The following GTF3C1 variants were observed in gnomAD, a reference collection of about 807,000 sequenced individuals.
GTF3C1 encodes general transcription factor 3C polypeptide 1.
A neutral mutation model predicts 226.7 loss-of-function variants in GTF3C1; 57 were observed. The ratio of observed to expected loss-of-function variants is 0.25; its 90% CI spans 0.20 to 0.31. GTF3C1 has a LOEUF of 0.31. Ranked by LOEUF, GTF3C1 falls within the 10% of genes least tolerant of loss-of-function variation. The pLI, the probability that GTF3C1 is intolerant of heterozygous loss-of-function variation, is 1.00. For missense variants in GTF3C1, 2,217 were observed against 2,776.1 expected (o/e 0.80, Z 4.53); for synonymous variants, 1,090 against 1,084.8 (o/e 1.00, Z -0.09).
In GTF3C1 at chr16:27,470,307, G is replaced by A; in HGVS notation, c.4615C>T (p.Pro1539Ser). The A allele has an allele frequency of 6.2e-7, 1 of 1,613,618 alleles. No homozygotes were observed. Among genetic ancestry groups the A allele is most frequent in the Non-Finnish European group, 8.5e-7 (1 of 1,179,520 alleles). The change falls in exon 31 of 37, where the codon CCT becomes TCT. Residue 1539 changes from proline to serine, a missense_variant. Coordinates refer to ENST00000356183, the MANE Select transcript of GTF3C1 (RefSeq NM_001520.4). The surrounding 1 kb of genome is among the most constrained non-coding windows in gnomAD (Gnocchi z 4.9). Reference sequence around the variant, plus strand: ...TGGTCTTTGAAAGAGAAACGATCAGGCTGGTCCAACTTGCCGGCAGCCCGC... The same window carrying A: ...TGGTCTTTGAAAGAGAAACGATCAGACTGGTCCAACTTGCCGGCAGCCCGC... ...RMRAAGKLDQ[P>S]DRFSFKDQDN... is the part of the protein sequence containing the mutation.
chr16:27,539,596 G>A (rs138446017), intron 2 of GTF3C1, among the ~76,000 whole-genome samples: 279 of 152,252 alleles, frequency 1.8e-3, no homozygotes, highest in Admixed American at 3.9e-3. Context: ...TCCCTCACTC[G>A]TTCCTTGGCA....
At chr16:27,505,781 G>A (rs372521779) in intron 10 of GTF3C1, 118 bp downstream of exon 10, 24 of 679,402 alleles carry the variant, frequency 3.5e-5, no homozygotes, top group East Asian at 1.5e-4. Context: ...GGCAGGCCTC[G>A]GCACGCAGCA....
At chr16:27,529,012 A>G (rs192151896) in intron 5 of GTF3C1, among the ~76,000 whole-genome samples, 1 of 152,320 alleles carries the variant, frequency 6.6e-6, no homozygotes, top group East Asian at 1.9e-4. Context: ...TGGAGACTGA[A>G]GACTTCATCT....
intron 1 of GTF3C1, among the ~76,000 whole-genome samples, chr16:27,547,042 C>A (rs2089175836): frequency 6.6e-6 from 1 of 152,148 alleles, no homozygotes; most frequent in Admixed American, 6.5e-5. Context: ...ACACCCAGCC[C>A]AACCCTCCGT....
chr16:27,541,803 A>C (rs1372409344), intron 2 of GTF3C1, among the ~76,000 whole-genome samples: 1 of 152,178 alleles, frequency 6.6e-6, no homozygotes, highest in African/African-American at 2.4e-5. Flanking sequence ...AGGCACAATC[A>C]CATATAGCCT....
chr16:27,507,236 T>C lies in GTF3C1; in HGVS notation c.1243-80A>G, dbSNP rs2088500177. ...GGGTTCAGGTGGTCTGTGGCATCTA[T>C]TTCCTTATTGGCTTTCTTCTGTTTC... On this transcript the variant is annotated intron_variant, in intron 8 of 36. Coordinates refer to ENST00000356183, the MANE Select transcript of GTF3C1 (RefSeq NM_001520.4). This position sits in a 1 kb window ranked among gnomAD's most constrained non-coding sequence, Gnocchi z 4.9. 9.2e-7 allele frequency: 1 copy of C among 1,087,906 alleles called. No individual in the cohort carries two copies. The highest frequency in any genetic ancestry group is 1.5e-5 in the South Asian group (1 of 66,726). The allele number at this position is 1,087,906 out of a possible 1,614,324, so 67.4% of individuals were successfully genotyped here. A position where few individuals can be genotyped will look rare whatever the true frequency, so the allele number is the denominator to read the frequency against.
At chr16:27,487,031 T>C (rs1406942423) in intron 23 of GTF3C1, among the ~76,000 whole-genome samples, 1 of 152,154 alleles carries the variant, frequency 6.6e-6, no homozygotes, top group Non-Finnish European at 1.5e-5. Flanking sequence ...TGATAGCACC[T>C]TCACAGGACA....
rs976280793 is a variant in GTF3C1 at position 27,547,604 on chromosome 16, T to G, written c.221+2066A>C. 5.9e-5 allele frequency among the ~76,000 whole-genome samples: 9 copies of G among 152,234 alleles called. No individual in the cohort carries two copies. The South Asian group carries it at 1.9e-3, about 32-fold the overall frequency. On this transcript the variant is annotated intron_variant, in intron 1 of 36. Transcript: ENST00000356183. Reference sequence around the variant, plus strand: ...ACTAGATTACTAAAAATCTCTCAACTTCACTCTTTGCCCCTAGTCTGACCC... The same window carrying G: ...ACTAGATTACTAAAAATCTCTCAACGTCACTCTTTGCCCCTAGTCTGACCC...
At chr16:27,494,063 G>A (rs966920490) in intron 16 of GTF3C1, among the ~76,000 whole-genome samples, 1 of 151,962 alleles carries the variant, frequency 6.6e-6, no homozygotes, top group African/African-American at 2.4e-5. Context: ...ATACAGTTAT[G>A]GGTAATTTCT....
At chr16:27,473,896 C>G (rs773932182) in intron 29 of GTF3C1, among the ~76,000 whole-genome samples, 2 of 152,240 alleles carry the variant, frequency 1.3e-5, no homozygotes, top group Non-Finnish European at 1.5e-5. Context: ...GAAGCTGCAT[C>G]TCACTCCTTG....
intron 28 of GTF3C1, among the ~76,000 whole-genome samples, chr16:27,477,266 G>A (rs1328725518): frequency 6.6e-6 from 1 of 151,880 alleles, no homozygotes; most frequent in Non-Finnish European, 1.5e-5. Flanking sequence ...AGACCTTTAA[G>A]ATGATCTACT....
chr16:27,471,014 G>C lies in GTF3C1; in HGVS notation c.4527-619C>G, dbSNP rs1181535135. Among the ~76,000 whole-genome samples, 9 of 152,252 alleles carry C rather than the reference G, an allele frequency of 5.9e-5. No individual in the cohort carries two copies. Among genetic ancestry groups the C allele is most frequent in the Admixed American group, 5.9e-4 (9 of 15,288 alleles). On this transcript the variant is annotated intron_variant, in intron 30 of 36. Transcript: ENST00000356183. The surrounding 1 kb of genome is among the most constrained non-coding windows in gnomAD (Gnocchi z 5.0). ...CTTCTGCTGCCACACCTACTTCCCAGAGGCCTGAGGGTCATTCGGGGTCAG... is the reference window on the plus strand; with the variant it reads ...CTTCTGCTGCCACACCTACTTCCCACAGGCCTGAGGGTCATTCGGGGTCAG...
chr16:27,489,941 G>C (rs1011334210), intron 19 of GTF3C1, among the ~76,000 whole-genome samples, 198 bp from the exon 20 acceptor site: 10 of 152,264 alleles, frequency 6.6e-5, no homozygotes. Context: ...CAGAGGAAGA[G>C]AGTTGGAGTG....
At position 27,461,495 on chromosome 16, in the gene GTF3C1, G is replaced by C. The variant is rs1319208599; in HGVS notation, c.6185C>G (p.Ser2062Cys). Residue 2062 changes from serine (S) to cysteine (C), a missense_variant, in exon 37 of 37, where the codon TCT becomes TGT. Physicochemically the swap from Ser to Cys is moderately radical, Grantham distance 112. Around this residue, in one of 12 missense-constraint regions of GTF3C1, gnomAD observed 153 missense variants for 199.8 expected, o/e 0.77. Coordinates refer to ENST00000356183, the MANE Select transcript of GTF3C1 (RefSeq NM_001520.4). The surrounding 1 kb of genome is among the most constrained non-coding windows in gnomAD (Gnocchi z 5.3). The part of the protein sequence containing the change: ...LRKPRPVSLF[S>C]TPVVEEVEVP... ...TTCCACCTCTTCCACCACGGGTGTA[G>C]AGAAGAGCGAGACAGGCCTTGGCTT... 6.2e-7 allele frequency: 1 copy of C among 1,613,972 alleles called. No individual in the cohort carries two copies. Among genetic ancestry groups the C allele is most frequent in the Non-Finnish European group, 8.5e-7 (1 of 1,179,926 alleles).
In GTF3C1 at chr16:27,495,506, G is replaced by A. The variant is rs1041959773; in HGVS notation, c.2351-14C>T. 2.0e-5 allele frequency: 32 copies of A among 1,607,572 alleles called. No homozygotes were observed. Among genetic ancestry groups the A allele is most frequent in the Non-Finnish European group, 2.7e-5 (32 of 1,176,298 alleles). ...CCAGTCCGGGAACTAAAGCAAGAGA[G>A]GGAGAGGGCGGTGCTTGAAAAATCC... On this transcript the variant is annotated splice_polypyrimidine_tract_variant and intron_variant, in intron 14 of 36. Coordinates refer to ENST00000356183, the MANE Select transcript of GTF3C1 (RefSeq NM_001520.4).
chr16:27,536,497 T>C (rs2089003421), intron 4 of GTF3C1, among the ~76,000 whole-genome samples: 1 of 152,144 alleles, frequency 6.6e-6, no homozygotes, highest in Non-Finnish European at 1.5e-5. Flanking sequence ...CTCGGGAGGC[T>C]GAGGCAGAAG....
At position 27,497,699 on chromosome 16, in the gene GTF3C1, C is replaced by T. The variant is rs762331071; in HGVS notation, c.2288G>A (p.Arg763Gln). Residue 763 changes from arginine to glutamine, a missense_variant, in exon 14 of 37, where the codon CGG (arginine) becomes CAG (glutamine). Arg to Gln is a conservative substitution (Grantham distance 43, BLOSUM62 1). Transcript: ENST00000356183. ...LSASSRSESG[R>Q]MKKSDNKMGI... ...CATTTTATTATCACTTTTTTTCATCCGTCCACTTTCTGATCTAGAGGAAGC... is the reference window on the plus strand; with the variant it reads ...CATTTTATTATCACTTTTTTTCATCTGTCCACTTTCTGATCTAGAGGAAGC... 3.6e-5 allele frequency: 58 copies of T among 1,613,724 alleles called. No individual in the cohort carries two copies. Among genetic ancestry groups the T allele is most frequent in the Non-Finnish European group, 4.4e-5 (52 of 1,179,788 alleles).
In GTF3C1 at chr16:27,471,506, G is replaced by A. The variant is rs1431209163; in HGVS notation, c.4526+242C>T. ...TTCACTCCATCTGACGAGAGAAACG[G>A]AAACAAACCACCTGCAAAATGGTAA... On this transcript the variant is annotated intron_variant, in intron 30 of 36. Transcript: ENST00000356183. This position sits in a 1 kb window ranked among gnomAD's most constrained non-coding sequence, Gnocchi z 5.0. The A allele has an allele frequency of 2.0e-6, 1 of 498,498 alleles. No homozygotes were observed. The highest frequency in any genetic ancestry group is 3.6e-6 in the Non-Finnish European group (1 of 278,192). The allele number at this position is 498,498 out of a possible 1,614,324, so 30.9% of individuals were successfully genotyped here. A position where few individuals can be genotyped will look rare whatever the true frequency, so the allele number is the denominator to read the frequency against.
chr16:27,464,591 G>A lies in GTF3C1; in HGVS notation c.5601C>T (p.Ala1867=). 2.7e-6 allele frequency: 4 copies of A among 1,491,934 alleles called. 1 individual carries two copies. The South Asian group carries it at 4.2e-5, about 15-fold the overall frequency. The allele number at this position is 1,491,934 out of a possible 1,614,324, so 92.4% of individuals were successfully genotyped here. The change falls in exon 34 of 37, where the codon GCC becomes GCT. Residue 1867 remains alanine, a synonymous_variant. Transcript: ENST00000356183. Reference sequence around the variant, plus strand: ...CGGCGTCGGTCTCCCCATTCTCACTGGCCCAGCTGGCGCGCCTCTTGGTGC... The same window carrying A: ...CGGCGTCGGTCTCCCCATTCTCACTAGCCCAGCTGGCGCGCCTCTTGGTGC... The part of the protein sequence containing the change: ...PRGTKRRASW[A]SENGETDAEG...
Sources: gnomAD v4.1 joint callset for allele counts (sites outside exome capture counted in the v4.1 genomes callset) on GRCh38, gnomAD v4.1.1 for gene constraint, gnomAD v4.1.1 regional missense constraint, Gnocchi (gnomAD v3.1) non-coding constraint, MANE v1.5 for transcripts, NCBI Gene and HGNC (gene_info 2026-07-23, HGNC 2026-07-21) for gene names.